AKAP6: variants seen among roughly 807,000 people sequenced by gnomAD.
AKAP6 encodes A-kinase anchoring protein 6.
A neutral mutation model predicts 188.5 loss-of-function variants in AKAP6; 58 were observed. The observed-to-expected ratio is 0.31, with a 90% CI of 0.25 to 0.38. The LOEUF is 0.38. Ranked by LOEUF, AKAP6 falls within the 10% of genes least tolerant of loss-of-function variation. AKAP6 has a pLI of 1.00. For missense variants in AKAP6, 2,710 were observed against 2,740.0 expected (o/e 0.99, Z 0.24); for synonymous variants, 989 against 998.6 (o/e 0.99, Z 0.18).
At chr14:32,769,932 T>G (rs185867696) in intron 11 of AKAP6, among the ~76,000 whole-genome samples, 198 of 152,336 alleles carry the variant, frequency 1.3e-3, no homozygotes, top group Admixed American at 2.3e-3. Context: ...TCTATCTGTT[T>G]GCATATATGC....
At chr14:32,753,583 G>T (rs573157345) in intron 11 of AKAP6, among the ~76,000 whole-genome samples, 4 of 152,080 alleles carry the variant, frequency 2.6e-5, no homozygotes. Context: ...CCCAAAACTC[G>T]TTCAGACCAA....
chr14:32,829,739 G>A (rs2034779481), intron 13 of AKAP6, 109 bp from the exon 14 acceptor site: 1 of 549,686 alleles, frequency 1.8e-6, no homozygotes, highest in Admixed American at 3.4e-5. Context: ...CAGAACATTA[G>A]CAAGTAGTCC....
intron 10 of AKAP6, chr14:32,732,918 T>G (rs980216214): frequency 1.4e-5 from 7 of 501,586 alleles, no homozygotes; most frequent in Non-Finnish European, 2.1e-5. Flanking sequence ...ATATACTGAC[T>G]GTCATGCTTG....
chr14:32,556,330 C>T (rs1321064489), intron 4 of AKAP6, among the ~76,000 whole-genome samples: 1 of 151,906 alleles, frequency 6.6e-6, no homozygotes, highest in East Asian at 1.9e-4. Flanking sequence ...TGTAGGAGTT[C>T]GTTATATATT....
At position 32,822,238 on chromosome 14, in the gene AKAP6, C is replaced by T. The variant is rs975134857; in HGVS notation, c.4425C>T (p.Gly1475=). The T allele has an allele frequency of 4.3e-6, 7 of 1,613,726 alleles. No individual in the cohort carries two copies. Among genetic ancestry groups the T allele is most frequent in the African/African-American group, 1.3e-5 (1 of 74,876 alleles). Residue 1475 remains glycine, a synonymous_variant, in exon 13 of 14, where the codon GGC becomes GGT. Coordinates refer to ENST00000280979, the MANE Select transcript of AKAP6 (RefSeq NM_004274.5). ...TTTATGATTACTCATACCTCCAAGGCTCAAAACTCAAATTACCAATGATAA... is the reference window on the plus strand; with the variant it reads ...TTTATGATTACTCATACCTCCAAGGTTCAAAACTCAAATTACCAATGATAA... ...FTFYDYSYLQ[G]SKLKLPMIMK...
intron 11 of AKAP6, among the ~76,000 whole-genome samples, chr14:32,746,455 G>C (rs1371478856): frequency 6.6e-6 from 1 of 152,132 alleles, no homozygotes; most frequent in African/African-American, 2.4e-5. Flanking sequence ...ATCATGTCTA[G>C]AGATGTCATC....
intron 9 of AKAP6, among the ~76,000 whole-genome samples, chr14:32,702,583 G>A (rs192350443): frequency 6.6e-6 from 1 of 152,166 alleles, no homozygotes; most frequent in South Asian, 2.1e-4. Context: ...TAAGAGAATA[G>A]GATGCCAAGA....
At position 32,821,537 on chromosome 14, in the gene AKAP6, C is replaced by T. The variant is rs758879914; in HGVS notation, c.3724C>T (p.Leu1242Phe). ...GGAATCAAATGACCTTGATCAAGAACTCCAACCTGTTATCCCTTCCTTGAA... is the reference window on the plus strand; with the variant it reads ...GGAATCAAATGACCTTGATCAAGAATTCCAACCTGTTATCCCTTCCTTGAA... ...NEESNDLDQE[L>F]QPVIPSLKLG... Residue 1242 changes from leucine to phenylalanine, a missense_variant, in exon 13 of 14, where the codon CTC (leucine) becomes TTC (phenylalanine). By Grantham distance (22) the Leu-to-Phe change is conservative. Transcript: ENST00000280979. The T allele has an allele frequency of 9.3e-6, 15 of 1,613,606 alleles. No individual in the cohort carries two copies. In the South Asian group the frequency reaches 1.5e-4, roughly 17 times the overall value.
intron 5 of AKAP6, among the ~76,000 whole-genome samples, chr14:32,595,928 T>C (rs1301494025): frequency 1.3e-5 from 2 of 152,138 alleles, no homozygotes; most frequent in Non-Finnish European, 2.9e-5. Context: ...TTCATATCTA[T>C]AGGCTTGACA....
chr14:32,444,495 C>G (rs1390659465), intron 2 of AKAP6, among the ~76,000 whole-genome samples: 1 of 152,136 alleles, frequency 6.6e-6, no homozygotes, highest in East Asian at 1.9e-4. Context: ...TGGCTGTTAT[C>G]AGTTGGCTTT....
At chr14:32,779,706 C>T (rs2033182940) in intron 12 of AKAP6, among the ~76,000 whole-genome samples, 1 of 152,076 alleles carries the variant, frequency 6.6e-6, no homozygotes, top group African/African-American at 2.4e-5. Flanking sequence ...ACAACAAAAA[C>T]AGACCATTTT....
intron 5 of AKAP6, among the ~76,000 whole-genome samples, chr14:32,584,221 A>C (rs1214019357): frequency 1.3e-5 from 2 of 152,192 alleles, no homozygotes; most frequent in Non-Finnish European, 1.5e-5. Context: ...AGATAGCACC[A>C]CACCTCATGT....
rs574866598 is a variant in AKAP6 at position 32,495,945 on chromosome 14, T to C, written c.325-39609T>C. 8.5e-5 allele frequency among the ~76,000 whole-genome samples: 13 copies of C among 152,326 alleles called. 1 individual carries two copies. In the South Asian group the frequency reaches 2.7e-3, roughly 32 times the overall value. ...GTAAGTAACATAAATTGCTGCAATA[T>C]TGTTGTTCTTCTTACCCCAATGTTG... is the stretch of plus-strand genomic sequence containing the variant. On this transcript the variant is annotated intron_variant, in intron 2 of 13. Transcript: ENST00000280979.
chr14:32,822,312 G>A lies in AKAP6; in HGVS notation c.4499G>A (p.Arg1500His), dbSNP rs776450051. Reference sequence around the variant, plus strand: ...GCGCATGTGGAGGATCCCCTGCTTCGTGGTTTTTATTTTGATAAAAAATCA... The same window carrying A: ...GCGCATGTGGAGGATCCCCTGCTTCATGGTTTTTATTTTGATAAAAAATCA... ...EKAHVEDPLL[R>H]GFYFDKKSCK... The change falls in exon 13 of 14, where the codon CGT becomes CAT. Residue 1500 changes from arginine (R) to histidine (H), a missense_variant. By Grantham distance (29) the Arg-to-His change is conservative. Coordinates refer to ENST00000280979, the MANE Select transcript of AKAP6 (RefSeq NM_004274.5). 2.9e-5 allele frequency: 46 copies of A among 1,613,740 alleles called. No individual in the cohort carries two copies. Among genetic ancestry groups the A allele is most frequent in the African/African-American group, 6.7e-5 (5 of 74,870 alleles).
In AKAP6 at chr14:32,830,050, A is replaced by G. The variant is rs967455032; in HGVS notation, c.*245A>G. The stretch of plus-strand genomic sequence containing the variant: ...GGTGATCGTCTTTGAAGTTCAGCAA[A>G]GCTGCTTGTTCTCCCATGGATTCCT... On this transcript the variant is annotated 3_prime_UTR_variant, in exon 14 of 14. Transcript: ENST00000280979. The G allele has an allele frequency of 1.5e-5, 10 of 682,326 alleles. No individual in the cohort carries two copies. The highest frequency in any genetic ancestry group is 2.7e-5 in the Non-Finnish European group (10 of 373,622). The allele number at this position is 682,326 out of a possible 1,614,324, so 42.3% of individuals were successfully genotyped here.
At chr14:32,343,746 CAAAAAAAAA>C (rs56376110) in intron 1 of AKAP6, among the ~76,000 whole-genome samples, 9 of 37,268 alleles carry the variant, frequency 2.4e-4, no homozygotes, top group South Asian at 1.7e-3. Flanking sequence ...GATTCCGTCT[CAAAAAAAAA>C]AAAAAAAAAA....
At chr14:32,607,574 T>C (rs73259177) in intron 7 of AKAP6, among the ~76,000 whole-genome samples, 2,172 of 152,314 alleles carry the variant, frequency 0.014, 43 homozygotes, top group African/African-American at 0.047. Flanking sequence ...AGAGAAGACA[T>C]GCTTTTCTGC....
At chr14:32,381,333 C>T (rs1195080937) in intron 1 of AKAP6, among the ~76,000 whole-genome samples, 1 of 151,856 alleles carries the variant, frequency 6.6e-6, no homozygotes, top group Non-Finnish European at 1.5e-5. Flanking sequence ...GAGTGAGACC[C>T]CATCTCAAAT....
intron 8 of AKAP6, among the ~76,000 whole-genome samples, chr14:32,688,696 A>C (rs559222175): frequency 6.6e-6 from 1 of 152,166 alleles, no homozygotes; most frequent in South Asian, 2.1e-4. Context: ...CCCGTGCAAG[A>C]GAAGTCAAAT....
Sources: gnomAD v4.1 joint callset for allele counts (sites outside exome capture counted in the v4.1 genomes callset) on GRCh38, gnomAD v4.1.1 for gene constraint, MANE v1.5 for transcripts, NCBI Gene and HGNC (gene_info 2026-07-23, HGNC 2026-07-21) for gene names.